The following PPP3CA variants were observed in gnomAD, a reference collection of about 807,000 sequenced individuals.
The protein encoded by PPP3CA is protein phosphatase 3 catalytic subunit alpha.
In PPP3CA, 14 loss-of-function variants were observed where a neutral mutation model predicts 66.5. That is an observed-to-expected ratio of 0.21 (90% CI 0.14 to 0.33). The LOEUF is 0.33. Ranked by LOEUF, PPP3CA falls within the 10% of genes least tolerant of loss-of-function variation. The pLI, the probability that PPP3CA is intolerant of heterozygous loss-of-function variation, is 1.00. For synonymous variants in PPP3CA, 232 were observed against 226.2 expected (o/e 1.03, Z -0.23); for missense variants, 317 against 639.5 (o/e 0.50, Z 5.44).
chr4:101,148,296 A>C (rs1418467097), intron 2 of PPP3CA, among the ~76,000 whole-genome samples: 2 of 152,158 alleles, frequency 1.3e-5, no homozygotes, highest in Non-Finnish European at 2.9e-5. Context: ...TAAAATAATT[A>C]TATCAATTTA....
intron 1 of PPP3CA, among the ~76,000 whole-genome samples, chr4:101,289,937 A>G (rs1366784976): frequency 6.6e-6 from 1 of 151,116 alleles, no homozygotes; most frequent in East Asian, 1.9e-4. Context: ...CTAACATTAA[A>G]ATGGGCTTAC....
chr4:101,285,591 CTGTGTGTA>C lies in PPP3CA; in HGVS notation c.58+61140_58+61147del, dbSNP rs879581257. On this transcript the variant is annotated intron_variant, in intron 1 of 13. Transcript: ENST00000394854. ...CCTTTCCCTTCCCTTTCAAATGCCACTGTGTGTATGTGTGTGTGTGTGTGTGTGTGTGT... is the reference window on the plus strand; with the variant it reads ...CCTTTCCCTTCCCTTTCAAATGCCACTGTGTGTGTGTGTGTGTGTGTGTGT... Among the ~76,000 whole-genome samples the C allele has an allele frequency of 4.6e-3, 611 of 131,840 alleles. 3 individuals are homozygous for C. Among genetic ancestry groups the C allele is most frequent in the African/African-American group, 0.014 (484 of 34,042 alleles). 86.5% of individuals were successfully genotyped at this position (131,840 alleles called of 152,430 possible).
At chr4:101,086,293 C>G (rs6846905) in intron 6 of PPP3CA, among the ~76,000 whole-genome samples, 1 of 151,384 alleles carries the variant, frequency 6.6e-6, no homozygotes, top group South Asian at 2.1e-4. Context: ...GAATTCTGCT[C>G]GGAAAAGAAG....
intron 1 of PPP3CA, among the ~76,000 whole-genome samples, chr4:101,199,141 A>T (rs557115654): frequency 3.3e-5 from 5 of 152,350 alleles, no homozygotes; most frequent in African/African-American, 1.2e-4. Flanking sequence ...TAAAAAGCAT[A>T]CCAGCCTTAC....
chr4:101,245,711 T>C (rs1726454714), intron 1 of PPP3CA, among the ~76,000 whole-genome samples: 1 of 152,056 alleles, frequency 6.6e-6, no homozygotes, highest in Non-Finnish European at 1.5e-5. Context: ...TCAACATATA[T>C]TTTGTCCTTC....
intron 5 of PPP3CA, among the ~76,000 whole-genome samples, chr4:101,097,025 G>A (rs185543198): frequency 6.6e-4 from 100 of 152,184 alleles, no homozygotes; most frequent in African/African-American, 2.2e-3. Flanking sequence ...CTAATGATAA[G>A]CAAGATCTAG....
At chr4:101,289,439 ATCACCC>A (rs1475014260) in intron 1 of PPP3CA, among the ~76,000 whole-genome samples, 3 of 152,176 alleles carry the variant, frequency 2.0e-5, no homozygotes, top group Non-Finnish European at 2.9e-5. Context: ...TTAGCATACA[ATCACCC>A]TCATTTGAGG....
At chr4:101,124,550 A>T (rs549479552) in intron 2 of PPP3CA, among the ~76,000 whole-genome samples, 12 of 151,868 alleles carry the variant, frequency 7.9e-5, no homozygotes, top group Non-Finnish European at 1.6e-4. Flanking sequence ...CAGAGGTTGC[A>T]GTGAGCCGGG....
chr4:101,061,052 C>T, intron 10 of PPP3CA, 35 bp downstream of exon 10: 1 of 1,551,442 alleles, frequency 6.4e-7, no homozygotes, highest in Non-Finnish European at 8.9e-7. Flanking sequence ...AATTATCTGG[C>T]AAATAGCATT....
chr4:101,196,160 CAACA>C, intron 1 of PPP3CA, 44 bp from the exon 2 acceptor site: 3 of 1,562,076 alleles, frequency 1.9e-6, no homozygotes, highest in South Asian at 2.3e-5. Context: ...CAAAACTCAA[CAACA>C]AACAATGCAA....
At chr4:101,164,386 C>T (rs1353288514) in intron 2 of PPP3CA, among the ~76,000 whole-genome samples, 1 of 151,994 alleles carries the variant, frequency 6.6e-6, no homozygotes, top group Non-Finnish European at 1.5e-5. Context: ...ACTGTCATAT[C>T]CCAAGTGCCT....
chr4:101,199,963 C>T lies in PPP3CA; in HGVS notation c.59-3847G>A, dbSNP rs75229472. ...ATTTCAAGTCACAAAAACCCTGCAG[C>T]CAGAGTAATCCTAGCCCTCATTCTG... On this transcript the variant is annotated intron_variant, in intron 1 of 13. Transcript: ENST00000394854. Among the ~76,000 whole-genome samples the T allele has an allele frequency of 2.2e-3, 338 of 152,270 alleles. 1 individual carries two copies. The highest frequency in any genetic ancestry group is 5.1e-3 in the African/African-American group (214 of 41,558).
chr4:101,287,766 CT>C (rs34972470), intron 1 of PPP3CA, among the ~76,000 whole-genome samples: 62,208 of 146,024 alleles, frequency 0.43, 15,438 homozygotes, highest in Non-Finnish European at 0.58. Flanking sequence ...ATTAACCTCT[CT>C]TTTTTTTTTT....
intron 2 of PPP3CA, among the ~76,000 whole-genome samples, chr4:101,178,483 T>C (rs1724134538): frequency 6.6e-6 from 1 of 152,104 alleles, no homozygotes; most frequent in Non-Finnish European, 1.5e-5. Context: ...AAATAATGTA[T>C]TCTATCTAAC....
In PPP3CA at chr4:101,275,285, T is replaced by C. The variant is rs187664250; in HGVS notation, c.58+71454A>G. On this transcript the variant is annotated intron_variant, in intron 1 of 13. Coordinates refer to ENST00000394854, the MANE Select transcript of PPP3CA (RefSeq NM_000944.5). ...ACCCATATCTCAGGTCCTGGTTTAG[T>C]TGTCACTTCTCATAAAGCACCTTCC... 9.3e-4 allele frequency among the ~76,000 whole-genome samples: 142 copies of C among 152,258 alleles called. 1 individual carries two copies. The highest frequency in any genetic ancestry group is 3.4e-3 in the African/African-American group (140 of 41,566).
At chr4:101,272,681 A>G (rs1727371933) in intron 1 of PPP3CA, among the ~76,000 whole-genome samples, 2 of 152,290 alleles carry the variant, frequency 1.3e-5, no homozygotes, top group African/African-American at 4.8e-5. Context: ...TATCTACCTC[A>G]TGAGATTAAA....
chr4:101,267,261 A>G (rs1041575697), intron 1 of PPP3CA, among the ~76,000 whole-genome samples: 2 of 152,214 alleles, frequency 1.3e-5, no homozygotes, highest in African/African-American at 4.8e-5. Flanking sequence ...CTAAAAGTTG[A>G]ATAAAATTCA....
At chr4:101,296,069 A>G (rs570992729) in intron 1 of PPP3CA, among the ~76,000 whole-genome samples, 1 of 152,306 alleles carries the variant, frequency 6.6e-6, no homozygotes, top group African/African-American at 2.4e-5. Context: ...AAATGTGTCA[A>G]GAAGAGAGTC....
At chr4:101,230,467 CATG>C (rs1725924111) in intron 1 of PPP3CA, among the ~76,000 whole-genome samples, 1 of 151,442 alleles carries the variant, frequency 6.6e-6, no homozygotes, top group African/African-American at 2.4e-5. Context: ...TGCAGCGAGC[CATG>C]ATAACACCAC....
Sources: gnomAD v4.1 joint callset for allele counts (sites outside exome capture counted in the v4.1 genomes callset) on GRCh38, gnomAD v4.1.1 for gene constraint, MANE v1.5 for transcripts, NCBI Gene and HGNC (gene_info 2026-07-23, HGNC 2026-07-21) for gene names.